NEBL: variants seen among roughly 807,000 people sequenced by gnomAD.
The protein encoded by NEBL is nebulette.
In NEBL, 122 loss-of-function variants were observed where a neutral mutation model predicts 140.2. That is an observed-to-expected ratio of 0.87 (90% CI 0.75 to 1.01). The LOEUF is 1.01. Among genes scored for constraint, NEBL ranks in the 50% least tolerant of loss-of-function variants. The probability of loss-of-function intolerance (pLI) is 0.00; values close to 1 mark genes in which losing one functional copy is unlikely to be tolerated. For synonymous variants in NEBL, 436 were observed against 398.9 expected (o/e 1.09, Z -1.11); for missense variants, 1,365 against 1,231.3 (o/e 1.11, Z -1.62).
At chr10:20,860,667 C>T (rs1412675677) in intron 7 of NEBL, among the ~76,000 whole-genome samples, 1 of 148,942 alleles carries the variant, frequency 6.7e-6, no homozygotes, top group African/African-American at 2.5e-5. Context: ...TCAAAGTAAG[C>T]TGTTTTGTTC....
chr10:21,150,868 C>T (rs905053906), intron 2 of NEBL, among the ~76,000 whole-genome samples: 1 of 152,166 alleles, frequency 6.6e-6, no homozygotes, highest in Non-Finnish European at 1.5e-5. Flanking sequence ...CCAACTTCTT[C>T]AACCCTGGCT....
intron 3 of NEBL, chr10:20,961,860 G>C (rs1836067206): frequency 4.8e-6 from 5 of 1,048,822 alleles, no homozygotes; most frequent in Non-Finnish European, 7.4e-6. Flanking sequence ...GAAGCTGCTG[G>C]AATTGGAAAC....
chr10:21,140,445 A>G (rs1266476981), intron 2 of NEBL, among the ~76,000 whole-genome samples: 4 of 152,248 alleles, frequency 2.6e-5, no homozygotes, highest in Non-Finnish European at 4.4e-5. Flanking sequence ...AAAGAAGATT[A>G]GACATATTTA....
Position 20,913,639 on chromosome 10 carries a change from A to C in NEBL, c.357+48033T>G, listed in dbSNP as rs1056000365. On this transcript the variant is annotated intron_variant, in intron 4 of 6. Transcript: ENST00000417816. ...GTATCAGGAATTGTTAAATTTTATC[A>C]GCTGCTTTTCCAGCATCAGATGGTA... is the stretch of plus-strand genomic sequence containing the variant. Among the ~76,000 whole-genome samples, 12 of 152,294 alleles carry C rather than the reference A, an allele frequency of 7.9e-5. No individual in the cohort carries two copies. In the East Asian group the frequency reaches 2.3e-3, roughly 29 times the overall value.
upstream of NEBL, among the ~76,000 whole-genome samples, chr10:21,176,657 T>C (rs1841305000): frequency 2.6e-5 from 4 of 152,208 alleles, no homozygotes; most frequent in Admixed American, 2.6e-4. Flanking sequence ...GGGAGAACTT[T>C]TGCCCTTCCA....
At position 20,787,183 on chromosome 10, in the gene NEBL, G is replaced by T; in HGVS notation, c.2868+19C>A. On this transcript the variant is annotated intron_variant, in intron 27 of 27. Coordinates refer to ENST00000377122, the MANE Select transcript of NEBL (RefSeq NM_006393.3). ...ATGGGAAGACCAGCTAAGGAGGAACGTATCAAATGGACACTTACTAGATTT... is the reference window on the plus strand; with the variant it reads ...ATGGGAAGACCAGCTAAGGAGGAACTTATCAAATGGACACTTACTAGATTT... 2 of 1,557,334 alleles carry T rather than the reference G, an allele frequency of 1.3e-6. No individual in the cohort carries two copies. The highest frequency in any genetic ancestry group is 1.8e-6 in the Non-Finnish European group (2 of 1,131,770).
At chr10:21,026,049 C>T (rs1839017141) in intron 2 of NEBL, among the ~76,000 whole-genome samples, 1 of 152,214 alleles carries the variant, frequency 6.6e-6, no homozygotes, top group Non-Finnish European at 1.5e-5. Context: ...CTGGTTCTCT[C>T]ATGAAGTTGC....
At chr10:20,849,265 T>G (rs1842264985) in intron 11 of NEBL, among the ~76,000 whole-genome samples, 1 of 151,914 alleles carries the variant, frequency 6.6e-6, no homozygotes, top group Admixed American at 6.6e-5. Context: ...AAAAAAAGTG[T>G]GGGGAATATC....
intron 26 of NEBL, among the ~76,000 whole-genome samples, chr10:20,789,069 C>G (rs191281236): frequency 6.6e-6 from 1 of 152,172 alleles, no homozygotes; most frequent in African/African-American, 2.4e-5. Context: ...AACAATTGCT[C>G]TCCTGGAGCA....
intron 3 of NEBL, among the ~76,000 whole-genome samples, chr10:21,228,371 C>T (rs925131516): frequency 6.6e-6 from 1 of 152,146 alleles, no homozygotes; most frequent in Non-Finnish European, 1.5e-5. Flanking sequence ...CCAGGCTGGT[C>T]TCAGACTTGT....
intron 2 of NEBL, among the ~76,000 whole-genome samples, chr10:21,067,541 T>C (rs1835622533): frequency 6.6e-6 from 1 of 152,004 alleles, no homozygotes; most frequent in Non-Finnish European, 1.5e-5. Flanking sequence ...AAAAACAAAT[T>C]AGACTTTGAA....
intron 4 of NEBL, among the ~76,000 whole-genome samples, chr10:20,911,256 T>C (rs1163546287): frequency 6.6e-6 from 1 of 152,138 alleles, no homozygotes; most frequent in Admixed American, 6.6e-5. Flanking sequence ...TCATAAACTC[T>C]CTGGAAAGTA....
At chr10:21,091,965 T>C (rs1333126160) in intron 2 of NEBL, among the ~76,000 whole-genome samples, 1 of 152,222 alleles carries the variant, frequency 6.6e-6, no homozygotes, top group Non-Finnish European at 1.5e-5. Context: ...TCATCTTGCA[T>C]TTGCTATTGA....
intron 4 of NEBL, among the ~76,000 whole-genome samples, chr10:20,952,904 CAAAAAA>C (rs34713711): frequency 4.8e-5 from 3 of 62,354 alleles, no homozygotes; most frequent in African/African-American, 1.4e-4. Flanking sequence ...GACCCTGTCT[CAAAAAA>C]AAAAAAAAAA....
In NEBL at chr10:20,889,947, G is replaced by T. The variant is rs764821851; in HGVS notation, c.156C>A (p.Ile52=). The T allele has an allele frequency of 1.9e-6, 3 of 1,574,130 alleles. No individual in the cohort carries two copies. Among genetic ancestry groups the T allele is most frequent in the Non-Finnish European group, 2.6e-6 (3 of 1,147,714 alleles). Residue 52 remains isoleucine, a splice_region_variant and synonymous_variant, in exon 3 of 28, where the codon ATC becomes ATA. Transcript: ENST00000377122. Reference sequence around the variant, plus strand: ...ACTTTTTAAACTCTTCTTTATAACGGATCTAAAAAAGAGAATGATTTACAT... The same window carrying T: ...ACTTTTTAAACTCTTCTTTATAACGTATCTAAAAAAGAGAATGATTTACAT... ...ARKCTELISD[I]RYKEEFKKSK...
intron 26 of NEBL, among the ~76,000 whole-genome samples, chr10:20,798,540 TTTTCA>T (rs1836797959): frequency 6.6e-6 from 1 of 152,198 alleles, no homozygotes; most frequent in Admixed American, 6.5e-5. Flanking sequence ...AAAACAACTA[TTTTCA>T]TTTCATTTGC....
intron 3 of NEBL, among the ~76,000 whole-genome samples, chr10:21,180,932 C>T (rs2132204775): frequency 6.6e-6 from 1 of 152,104 alleles, no homozygotes; most frequent in East Asian, 1.9e-4. Context: ...ACCTGCAGGC[C>T]TGGGACCTCT....
intron 3 of NEBL, among the ~76,000 whole-genome samples, chr10:21,186,257 AACACACACACACAC>A (rs765894739): frequency 7.1e-4 from 89 of 124,818 alleles, no homozygotes; most frequent in African/African-American, 2.0e-3. Flanking sequence ...TATATATACA[AACACACACACACAC>A]ACACACACAC....
chr10:21,207,760 C>A (rs1172545971), intron 3 of NEBL, among the ~76,000 whole-genome samples: 2 of 152,158 alleles, frequency 1.3e-5, no homozygotes, highest in Admixed American at 1.3e-4. Flanking sequence ...AAGCAGCCCT[C>A]TACCCACAGA....
Sources: allele counts gnomAD v4.1 joint callset (sites outside exome capture counted in the v4.1 genomes callset), GRCh38; gene constraint gnomAD v4.1.1; transcripts MANE v1.5; gene names NCBI Gene and HGNC (gene_info 2026-07-23, HGNC 2026-07-21).